The following TMPRSS11D variants were observed in gnomAD, a reference collection of about 807,000 sequenced individuals.
The protein encoded by TMPRSS11D is transmembrane serine protease 11D.
TMPRSS11D carries 32 observed loss-of-function variants against 44.4 expected under a neutral mutation model. The observed-to-expected ratio is 0.72, with a 90% CI of 0.54 to 0.97. TMPRSS11D has a LOEUF of 0.97. TMPRSS11D is among the 50% of genes least tolerant of loss of function. The probability of loss-of-function intolerance (pLI) is 0.00; values close to 1 mark genes in which losing one functional copy is unlikely to be tolerated. For synonymous variants in TMPRSS11D, 179 were observed against 177.9 expected, an observed-to-expected ratio of 1.01 and a Z score of -0.05; for missense variants, 446 against 502.6, an observed-to-expected ratio of 0.89 and a Z score of 1.08.
intron 8 of TMPRSS11D, 70 bp from the exon 9 acceptor site, chr4:67,825,944 G>A: frequency 7.0e-7 from 1 of 1,420,262 alleles, no homozygotes; most frequent in Non-Finnish European, 9.4e-7. Flanking sequence ...TAATAAATTT[G>A]AGAAGAAATA....
At chr4:67,856,715 A>C (rs1718644620) in intron 2 of TMPRSS11D, among the ~76,000 whole-genome samples, 1 of 152,164 alleles carries the variant, frequency 6.6e-6, no homozygotes, top group South Asian at 2.1e-4. Context: ...ATGGGAAAAA[A>C]CATTTGCCAA....
Position 67,833,227 on chromosome 4 carries a change from C to A in TMPRSS11D, c.669G>T (p.Leu223=). Residue 223 remains leucine, a synonymous_variant, in exon 7 of 10, where the codon CTG becomes CTT. Transcript: ENST00000283916. ...GGSLINNMWI[L]TAAHCFRSNS... is the part of the protein sequence containing the mutation. Reference sequence around the variant, plus strand: ...ACCTTCTGAAGCAGTGAGCTGCTGTCAGGATCCACATGTTATTGATCAGGC... The same window carrying A: ...ACCTTCTGAAGCAGTGAGCTGCTGTAAGGATCCACATGTTATTGATCAGGC... 1 of 1,536,632 alleles carries A rather than the reference C, an allele frequency of 6.5e-7. No individual in the cohort carries two copies. The highest frequency in any genetic ancestry group is 1.3e-5 in the South Asian group (1 of 78,458).
chr4:67,836,688 GA>G (rs920388917), intron 5 of TMPRSS11D, among the ~76,000 whole-genome samples: 12 of 151,938 alleles, frequency 7.9e-5, no homozygotes, highest in Non-Finnish European at 1.5e-4. Context: ...GATTAATCAA[GA>G]AAAAAATTCA....
chr4:67,855,751 T>C (rs1433074543), intron 2 of TMPRSS11D, among the ~76,000 whole-genome samples: 1 of 152,096 alleles, frequency 6.6e-6, no homozygotes, highest in Non-Finnish European at 1.5e-5. Flanking sequence ...AGAAGTTACA[T>C]ATTCAAATTG....
At chr4:67,849,055 G>A (rs566596150) in intron 3 of TMPRSS11D, among the ~76,000 whole-genome samples, 1 of 152,144 alleles carries the variant, frequency 6.6e-6, no homozygotes, top group Non-Finnish European at 1.5e-5. Context: ...TGCAGCAATG[G>A]ATATGGAGAG....
intron 3 of TMPRSS11D, among the ~76,000 whole-genome samples, chr4:67,848,320 A>G (rs1718408104): frequency 6.6e-6 from 1 of 152,210 alleles, no homozygotes; most frequent in Admixed American, 6.5e-5. Flanking sequence ...TAGTTTTGAT[A>G]CATGTACTTT....
chr4:67,842,669 C>A, intron 3 of TMPRSS11D, 44 bp from the exon 4 acceptor site: 1 of 1,500,268 alleles, frequency 6.7e-7, no homozygotes. Context: ...AAATACAGTT[C>A]TTCTTCTCCT....
At chr4:67,879,256 C>T (rs1386452763) in intron 1 of TMPRSS11D, among the ~76,000 whole-genome samples, 6 of 151,464 alleles carry the variant, frequency 4.0e-5, no homozygotes, top group African/African-American at 1.2e-4. Flanking sequence ...CTGAGGCTGG[C>T]GGATCACGAG....
At chr4:67,863,925 C>G (rs1337389211) in intron 1 of TMPRSS11D, among the ~76,000 whole-genome samples, 1 of 151,938 alleles carries the variant, frequency 6.6e-6, no homozygotes, top group Admixed American at 6.6e-5. Context: ...TGGATGAGTC[C>G]TTTTAACATT....
At chr4:67,829,005 A>C (rs1388399331) in intron 7 of TMPRSS11D, among the ~76,000 whole-genome samples, 2 of 152,072 alleles carry the variant, frequency 1.3e-5, no homozygotes, top group Non-Finnish European at 1.5e-5. Flanking sequence ...AACCATGCTC[A>C]TGCTCATTCC....
intron 7 of TMPRSS11D, among the ~76,000 whole-genome samples, chr4:67,829,192 G>T (rs898201353): frequency 1.3e-5 from 2 of 151,992 alleles, no homozygotes; most frequent in African/African-American, 2.4e-5. Context: ...AAAAAAGACT[G>T]CATTGACATA....
intron 8 of TMPRSS11D, 108 bp downstream of exon 8, chr4:67,827,153 C>G: frequency 3.5e-6 from 5 of 1,421,924 alleles, no homozygotes; most frequent in Non-Finnish European, 3.8e-6. Flanking sequence ...ATGGTTCTGT[C>G]TGTAGAAGAA....
chr4:67,828,496 C>A (rs1198377174), intron 7 of TMPRSS11D, among the ~76,000 whole-genome samples: 1 of 151,998 alleles, frequency 6.6e-6, no homozygotes, highest in East Asian at 1.9e-4. Context: ...CAAAGAGGAC[C>A]AACAATTAAC....
intron 3 of TMPRSS11D, among the ~76,000 whole-genome samples, chr4:67,844,283 A>G (rs184222933): frequency 6.6e-6 from 1 of 152,298 alleles, no homozygotes; most frequent in African/African-American, 2.4e-5. Flanking sequence ...ACCACAATAT[A>G]TCTTACTTTT....
rs186899606 is a variant in TMPRSS11D at position 67,856,957 on chromosome 4, T to A, written c.130+2600A>T. On this transcript the variant is annotated intron_variant, in intron 2 of 9. Transcript: ENST00000283916. The stretch of plus-strand genomic sequence containing the variant: ...GATATCATCTCACCTCAGTTAAGAT[T>A]TCTATTACCAAAAAGACAGAAAATA... Among the ~76,000 whole-genome samples, 3 of 152,082 alleles carry A rather than the reference T, an allele frequency of 2.0e-5. No homozygotes were observed. In the East Asian group the frequency reaches 5.8e-4, roughly 29 times the overall value.
At chr4:67,874,323 A>C (rs1276669054) in intron 1 of TMPRSS11D, among the ~76,000 whole-genome samples, 1 of 149,258 alleles carries the variant, frequency 6.7e-6, no homozygotes, top group Non-Finnish European at 1.5e-5. Flanking sequence ...CTATAGGACT[A>C]AATCAGTGAG....
chr4:67,863,045 TA>T (rs201997610), intron 1 of TMPRSS11D, among the ~76,000 whole-genome samples: 116 of 146,484 alleles, frequency 7.9e-4, no homozygotes, highest in African/African-American at 2.2e-3. Flanking sequence ...TAAAGTATAA[TA>T]AAAAAATATA....
chr4:67,838,116 T>C (rs1459320809), intron 5 of TMPRSS11D, 56 bp downstream of exon 5: 5 of 1,349,500 alleles, frequency 3.7e-6, no homozygotes, highest in Non-Finnish European at 4.9e-6. Flanking sequence ...TGAATTTGAA[T>C]TGGTAAACTT....
chr4:67,879,178 TAAG>T (rs1444666145), intron 1 of TMPRSS11D, among the ~76,000 whole-genome samples: 1 of 151,580 alleles, frequency 6.6e-6, no homozygotes, highest in Non-Finnish European at 1.5e-5. Flanking sequence ...ACACAGAATG[TAAG>T]AAGAAGAAAA....
Sources: allele counts gnomAD v4.1 joint callset (sites outside exome capture counted in the v4.1 genomes callset), GRCh38; gene constraint gnomAD v4.1.1; transcripts MANE v1.5; gene names NCBI Gene and HGNC (gene_info 2026-07-23, HGNC 2026-07-21).